The following LAMA4 variants were observed in gnomAD, a reference collection of about 807,000 sequenced individuals.
LAMA4 encodes the protein laminin subunit alpha 4.
A neutral mutation model predicts 207.1 loss-of-function variants in LAMA4; 127 were observed. That is an observed-to-expected ratio of 0.61 (90% CI 0.53 to 0.71). LAMA4 has a LOEUF of 0.71. LAMA4 is among the 30% of genes least tolerant of loss of function. The pLI is 0.00. For missense variants in LAMA4, 2,093 were observed against 2,246.5 expected (o/e 0.93, Z 1.38); for synonymous variants, 761 against 816.0 (o/e 0.93, Z 1.15).
chr6:112,221,549 C>A (rs1221256549), intron 2 of LAMA4, among the ~76,000 whole-genome samples: 1 of 152,208 alleles, frequency 6.6e-6, no homozygotes, highest in Non-Finnish European at 1.5e-5. Flanking sequence ...ATTACATTAT[C>A]TTTCTGCTTA....
intron 8 of LAMA4, 144 bp downstream of exon 8, chr6:112,187,306 T>G: frequency 3.3e-6 from 3 of 921,306 alleles, no homozygotes; most frequent in Non-Finnish European, 5.2e-6. Context: ...AAATTACTTA[T>G]GTTTTCTATG....
At chr6:112,192,783 G>A (rs782521612) in intron 5 of LAMA4, among the ~76,000 whole-genome samples, 17 of 152,346 alleles carry the variant, frequency 1.1e-4, no homozygotes, top group Middle Eastern at 6.8e-3. Flanking sequence ...CAAAGCTGCC[G>A]TGCAGGGCAG....
At chr6:112,242,411 A>T (rs1786582536) in intron 2 of LAMA4, among the ~76,000 whole-genome samples, 3 of 152,208 alleles carry the variant, frequency 2.0e-5, no homozygotes, top group Admixed American at 2.0e-4. Context: ...CTCCATAATT[A>T]TATCAAACAT....
chr6:112,220,401 T>C (rs1361852293), intron 2 of LAMA4, among the ~76,000 whole-genome samples: 1 of 152,268 alleles, frequency 6.6e-6, no homozygotes, highest in Non-Finnish European at 1.5e-5. Context: ...AGTAAAATCA[T>C]TGTATGTGTA....
chr6:112,235,325 T>TA (rs1455102850), intron 2 of LAMA4, among the ~76,000 whole-genome samples: 1 of 152,168 alleles, frequency 6.6e-6, no homozygotes, highest in Non-Finnish European at 1.5e-5. Flanking sequence ...ATTATATATA[T>TA]TTTTTTGCTG....
intron 5 of LAMA4, among the ~76,000 whole-genome samples, chr6:112,194,708 T>A (rs561353771): frequency 2.7e-4 from 41 of 152,306 alleles, no homozygotes; most frequent in Admixed American, 2.6e-3. Flanking sequence ...CATTAAAGAA[T>A]GAACTAATTA....
chr6:112,110,195 C>A (rs1188669143), intron 38 of LAMA4, among the ~76,000 whole-genome samples: 7 of 142,262 alleles, frequency 4.9e-5, no homozygotes, highest in Admixed American at 2.8e-4. Context: ...GCCAAGGGAA[C>A]TTTCTCCTCT....
At chr6:112,157,716 C>T (rs112317589) in intron 14 of LAMA4, among the ~76,000 whole-genome samples, 1 of 152,042 alleles carries the variant, frequency 6.6e-6, no homozygotes, top group Admixed American at 6.6e-5. Context: ...ATGAAGAGAG[C>T]CATAAGATGG....
intron 28 of LAMA4, among the ~76,000 whole-genome samples, chr6:112,132,052 GTGTT>G (rs1779066334): frequency 6.6e-6 from 1 of 152,086 alleles, no homozygotes. Context: ...AATCACAAAT[GTGTT>G]TGTTCATTGC....
At chr6:112,136,423 G>T (rs1277419736) in intron 24 of LAMA4, among the ~76,000 whole-genome samples, 169 bp from the exon 25 acceptor site, 2 of 152,118 alleles carry the variant, frequency 1.3e-5, no homozygotes, top group Non-Finnish European at 2.9e-5. Context: ...TGGGAGTGGT[G>T]GCTCACACCT....
At chr6:112,171,677 CA>C (rs56725081) in intron 12 of LAMA4, 34,476 of 140,158 alleles carry the variant, frequency 0.25, 5,750 homozygotes, top group African/African-American at 0.51. Context: ...ATTCATTTAG[CA>C]AAAAAAAAAA....
Position 112,131,117 on chromosome 6 carries a change from A to G in LAMA4, c.3835-16T>C, listed in dbSNP as rs376169394. ...ACACGTCTGACTGAAATGCAAGCAC[A>G]GGCATGTAAGTAGGGAGTCTAGGGA... On this transcript the variant is annotated splice_polypyrimidine_tract_variant and intron_variant, in intron 28 of 38. Coordinates refer to ENST00000230538, the MANE Select transcript of LAMA4 (RefSeq NM_001105206.3). 5.8e-5 allele frequency: 94 copies of G among 1,612,106 alleles called. No individual in the cohort carries two copies. Among genetic ancestry groups the G allele is most frequent in the Non-Finnish European group, 7.7e-5 (91 of 1,178,490 alleles).
intron 2 of LAMA4, among the ~76,000 whole-genome samples, chr6:112,225,031 G>A (rs1785136382): frequency 6.6e-6 from 1 of 151,258 alleles, no homozygotes; most frequent in Non-Finnish European, 1.5e-5. Context: ...CATTGCTGGT[G>A]TTCTCCAGGG....
In LAMA4 at chr6:112,215,299, G is replaced by C. The variant is rs115838291; in HGVS notation, c.297+1069C>G. Among the ~76,000 whole-genome samples, 532 of 152,270 alleles carry C rather than the reference G, an allele frequency of 3.5e-3. 3 individuals are homozygous for C. The highest frequency in any genetic ancestry group is 0.012 in the African/African-American group (513 of 41,552). On this transcript the variant is annotated intron_variant, in intron 3 of 38. Coordinates refer to ENST00000230538, the MANE Select transcript of LAMA4 (RefSeq NM_001105206.3). ...AAAGAGATAGCAACATTAGTATTTT[G>C]TCACTTAATTCTCTGTCCCTAGAAA...
At chr6:112,159,698 G>T (rs993561243) in intron 13 of LAMA4, among the ~76,000 whole-genome samples, 1 of 152,180 alleles carries the variant, frequency 6.6e-6, no homozygotes, top group Admixed American at 6.5e-5. Flanking sequence ...GTCATAAACT[G>T]TTAGTGGGGG....
At position 112,154,971 on chromosome 6, in the gene LAMA4, G is replaced by T. The variant is rs1183843576; in HGVS notation, c.1960-24C>A. On this transcript the variant is annotated intron_variant, in intron 15 of 38. Transcript: ENST00000230538. ...GCCTACAAAGGAATTGAGAGAAGAGGGTAAAAATGACAGCAGAAGAAATCA... is the reference window on the plus strand; with the variant it reads ...GCCTACAAAGGAATTGAGAGAAGAGTGTAAAAATGACAGCAGAAGAAATCA... 18 of 1,488,150 alleles carry T rather than the reference G, an allele frequency of 1.2e-5. No individual in the cohort carries two copies. The African/African-American group carries it at 2.1e-4, about 17-fold the overall frequency. 92.2% of individuals were successfully genotyped at this position (1,488,150 alleles called of 1,614,324 possible).
At chr6:112,175,568 G>C (rs1423971713) in intron 10 of LAMA4, 88 bp from the exon 11 acceptor site, 1 of 1,300,238 alleles carries the variant, frequency 7.7e-7, no homozygotes, top group African/African-American at 1.5e-5. Flanking sequence ...TGGGCAAAGG[G>C]CAGGGCTGAT....
chr6:112,162,652 C>T (rs1396626886), intron 13 of LAMA4, among the ~76,000 whole-genome samples: 3 of 152,050 alleles, frequency 2.0e-5, no homozygotes, highest in African/African-American at 7.2e-5. Context: ...TTATTTAAGA[C>T]ATGTCAAGTT....
chr6:112,148,094 A>T, intron 18 of LAMA4, 63 bp downstream of exon 18: 4 of 1,463,744 alleles, frequency 2.7e-6, no homozygotes, highest in Non-Finnish European at 3.8e-6. Flanking sequence ...TTGACAAAAG[A>T]TGTATAGAGT....
Sources: gnomAD v4.1 joint callset for allele counts (sites outside exome capture counted in the v4.1 genomes callset) on GRCh38, gnomAD v4.1.1 for gene constraint, MANE v1.5 for transcripts, NCBI Gene and HGNC (gene_info 2026-07-23, HGNC 2026-07-21) for gene names.